The following PIK3CB variants were observed in gnomAD, a reference collection of about 807,000 sequenced individuals.
PIK3CB encodes the protein phosphatidylinositol-4,5-bisphosphate 3-kinase catalytic subunit beta.
PIK3CB carries 39 observed loss-of-function variants against 136.8 expected under a neutral mutation model. That is an observed-to-expected ratio of 0.29 (90% confidence interval 0.22 to 0.37). The LOEUF is 0.37. Among genes scored for constraint, PIK3CB ranks in the 10% least tolerant of loss-of-function variants. The pLI is 1.00. For synonymous variants in PIK3CB, 428 were observed against 436.6 expected, an observed-to-expected ratio of 0.98 and a Z score of 0.25; for missense variants, 868 against 1,275.4, an observed-to-expected ratio of 0.68 and a Z score of 4.87.
intron 12 of PIK3CB, among the ~76,000 whole-genome samples, chr3:138,700,596 G>T (rs1022457856): frequency 6.6e-6 from 1 of 152,032 alleles, no homozygotes; most frequent in African/African-American, 2.4e-5. Flanking sequence ...AGAAAAAAGA[G>T]ATGAATGGGG....
intron 15 of PIK3CB, among the ~76,000 whole-genome samples, chr3:138,690,223 C>G (rs941573625): frequency 7.3e-5 from 10 of 136,276 alleles, no homozygotes; most frequent in Non-Finnish European, 1.4e-4. Context: ...AGAAGCTCAG[C>G]AAAGAAAAGA....
intron 1 of PIK3CB, among the ~76,000 whole-genome samples, chr3:138,808,384 A>C (rs529680449): frequency 6.6e-6 from 1 of 152,280 alleles, no homozygotes; most frequent in East Asian, 1.9e-4. Flanking sequence ...TAACCTCAGC[A>C]CTTTGGGAGG....
chr3:138,671,049 C>T (rs2108443875), intron 19 of PIK3CB, among the ~76,000 whole-genome samples: 1 of 152,284 alleles, frequency 6.6e-6, no homozygotes, highest in African/African-American at 2.4e-5. Context: ...ATTATTTTCT[C>T]ACTTAGCCAG....
intron 19 of PIK3CB, among the ~76,000 whole-genome samples, chr3:138,679,863 G>A (rs917732191): frequency 2.0e-5 from 3 of 148,960 alleles, no homozygotes; most frequent in African/African-American, 4.9e-5. Flanking sequence ...CAAAGTGCTG[G>A]GATTACAGGC....
intron 1 of PIK3CB, among the ~76,000 whole-genome samples, chr3:138,822,631 C>A (rs1410796639): frequency 6.6e-6 from 1 of 151,564 alleles, no homozygotes; most frequent in African/African-American, 2.4e-5. Context: ...CACCTGAGGT[C>A]AGGAGTTCGA....
At chr3:138,781,406 G>A (rs2045921763) in intron 2 of PIK3CB, among the ~76,000 whole-genome samples, 1 of 152,038 alleles carries the variant, frequency 6.6e-6, no homozygotes, top group African/African-American at 2.4e-5. Flanking sequence ...TTGAGCCCAG[G>A]AGTTTGAAGC....
chr3:138,823,193 G>C lies in PIK3CB; in HGVS notation c.-122+11502C>G, dbSNP rs113756168. Among the ~76,000 whole-genome samples the C allele has an allele frequency of 7.1e-3, 1,075 of 151,624 alleles. 13 individuals are homozygous for C. The highest frequency in any genetic ancestry group is 0.025 in the African/African-American group (1,025 of 41,376). The stretch of plus-strand genomic sequence containing the variant: ...TCCCAGCTACTCTGGAGCCTGAGGT[G>C]GGGGGATCGCTTGAGCCCAGGAGTT... On this transcript the variant is annotated intron_variant, in intron 1 of 23. Coordinates refer to ENST00000674063, the MANE Select transcript of PIK3CB (RefSeq NM_006219.3).
In PIK3CB at chr3:138,696,196, TG is replaced by T. The variant is rs1178969303; in HGVS notation, c.1771-1290del. On this transcript the variant is annotated intron_variant, in intron 13 of 23. Coordinates refer to ENST00000674063, the MANE Select transcript of PIK3CB (RefSeq NM_006219.3). ...AAATTTTAACCTTTTTTTTTTTTTT[TG>T]TAAGAGATAGGGTCTCATTCTGTTG... Among the ~76,000 whole-genome samples, 10 of 151,246 alleles carry T rather than the reference TG, an allele frequency of 6.6e-5. No individual in the cohort carries two copies. The East Asian group carries it at 1.4e-3, about 21-fold the overall frequency.
intron 5 of PIK3CB, among the ~76,000 whole-genome samples, chr3:138,739,179 C>T (rs1397772012): frequency 6.6e-6 from 1 of 152,112 alleles, no homozygotes; most frequent in Non-Finnish European, 1.5e-5. Context: ...TGCACGCTGG[C>T]TTACATCTGT....
intron 4 of PIK3CB, among the ~76,000 whole-genome samples, chr3:138,746,754 A>T (rs968014478): frequency 1.3e-5 from 2 of 151,650 alleles, no homozygotes; most frequent in African/African-American, 2.4e-5. Flanking sequence ...CCTGTACTAG[A>T]TCCTTCAGTT....
At chr3:138,686,158 G>T (rs1272475007) in intron 16 of PIK3CB, among the ~76,000 whole-genome samples, 2 of 151,392 alleles carry the variant, frequency 1.3e-5, no homozygotes, top group African/African-American at 4.9e-5. Context: ...ATAAATCAGG[G>T]TCAGGTGCAG....
chr3:138,712,339 A>T, intron 9 of PIK3CB, 35 bp from the exon 10 acceptor site: 1 of 991,106 alleles, frequency 1.0e-6, no homozygotes, highest in South Asian at 1.7e-5. Flanking sequence ...AAATATGCTA[A>T]GAATAACTTT....
At chr3:138,677,058 A>ATTTT (rs5852918) in intron 19 of PIK3CB, among the ~76,000 whole-genome samples, 2 of 143,604 alleles carry the variant, frequency 1.4e-5, no homozygotes, top group Non-Finnish European at 1.5e-5. Flanking sequence ...ATTATGCAAG[A>ATTTT]TTTTTTTTTT....
At position 138,691,016 on chromosome 3, in the gene PIK3CB, G is replaced by A. The variant is rs545289735; in HGVS notation, c.2020C>T (p.Leu674=). 416 of 1,611,182 alleles carry A rather than the reference G, an allele frequency of 2.6e-4. 3 individuals carry two copies. The South Asian group carries it at 4.4e-3, about 17-fold the overall frequency. The change falls in exon 15 of 24, where the codon CTA becomes TTA. Residue 674 remains leucine (L), a synonymous_variant. Transcript: ENST00000674063. The part of the protein sequence containing the change: ...ALGNRRIGQF[L]FWHLRSEVHI... ...AAGACTTACCTAAGATGCCAAAATAGAAACTGCCCTATCCTCCGATTACCA... is the reference window on the plus strand; with the variant it reads ...AAGACTTACCTAAGATGCCAAAATAAAAACTGCCCTATCCTCCGATTACCA...
At chr3:138,814,605 G>A (rs548540498) in intron 1 of PIK3CB, among the ~76,000 whole-genome samples, 35 of 151,904 alleles carry the variant, frequency 2.3e-4, no homozygotes, top group Middle Eastern at 3.4e-3. Flanking sequence ...GCTCTCTCTA[G>A]ATTTCCCCAA....
At chr3:138,783,995 G>A (rs181727353) in intron 2 of PIK3CB, among the ~76,000 whole-genome samples, 114 of 152,262 alleles carry the variant, frequency 7.5e-4, no homozygotes, top group African/African-American at 2.6e-3. Flanking sequence ...ACACTGAGAT[G>A]CCATTTCATA....
chr3:138,807,291 AGGTGTGGT>A (rs2046244770), intron 1 of PIK3CB, among the ~76,000 whole-genome samples: 1 of 152,054 alleles, frequency 6.6e-6, no homozygotes, highest in Non-Finnish European at 1.5e-5. Context: ...AAAATTAGCC[AGGTGTGGT>A]GGCACACACC....
chr3:138,707,391 T>A (rs766336552), intron 10 of PIK3CB, 102 bp from the exon 11 acceptor site: 96 of 1,436,106 alleles, frequency 6.7e-5, no homozygotes, highest in Non-Finnish European at 8.3e-5. Context: ...CTTAGAAGTA[T>A]GTCAACTACA....
At chr3:138,703,064 A>G (rs2044287804) in intron 12 of PIK3CB, among the ~76,000 whole-genome samples, 1 of 152,206 alleles carries the variant, frequency 6.6e-6, no homozygotes, top group Non-Finnish European at 1.5e-5. Context: ...AAACTTTGGG[A>G]AAAAAGACAG....
Sources: gnomAD v4.1 joint callset for allele counts (sites outside exome capture counted in the v4.1 genomes callset) on GRCh38, gnomAD v4.1.1 for gene constraint, MANE v1.5 for transcripts, NCBI Gene and HGNC (gene_info 2026-07-23, HGNC 2026-07-21) for gene names.